Variants in GRIK3 observed in about 807,000 individuals in gnomAD.
The protein encoded by GRIK3 is glutamate receptor ionotropic, kainate 3.
GRIK3 carries 29 observed loss-of-function variants against 102.5 expected under a neutral mutation model. The ratio of observed to expected loss-of-function variants is 0.28; its 90% CI spans 0.21 to 0.39. The LOEUF (loss-of-function observed/expected upper bound fraction) is 0.39, where lower values mean the gene tolerates loss of function less well. Ranked by LOEUF, GRIK3 falls within the 10% of genes least tolerant of loss-of-function variation. The pLI is 1.00. For missense variants in GRIK3, 908 were observed against 1,252.4 expected (o/e 0.73, Z 4.15); for synonymous variants, 511 against 504.9 (o/e 1.01, Z -0.16).
chr1:36,852,357 G>A (rs949166223), intron 8 of GRIK3, among the ~76,000 whole-genome samples: 2 of 152,178 alleles, frequency 1.3e-5, no homozygotes, highest in Non-Finnish European at 2.9e-5. Context: ...AGGGACAGAG[G>A]TCACATCCTG....
intron 1 of GRIK3, among the ~76,000 whole-genome samples, chr1:36,986,465 CCCATCCATCCATCCATCCAT>C (rs774258723): frequency 1.3e-4 from 15 of 115,188 alleles, no homozygotes; most frequent in African/African-American, 4.2e-4. Context: ...CATCCATCAG[CCCATCCATCCATCCATCCAT>C]CCATCCATCC....
In GRIK3 at chr1:36,899,641, T is replaced by C. The variant is rs61325425; in HGVS notation, c.116-8545A>G. Among the ~76,000 whole-genome samples, 955 of 152,300 alleles carry C rather than the reference T, an allele frequency of 6.3e-3. 10 individuals carry two copies. Among genetic ancestry groups the C allele is most frequent in the African/African-American group, 0.022 (908 of 41,576 alleles). The stretch of plus-strand genomic sequence containing the variant: ...TGCACAACATTATGAATGTATTTAG[T>C]ACCACTGAACAGTACACTTAAAAAT... On this transcript the variant is annotated intron_variant, in intron 1 of 15. Transcript: ENST00000373091.
chr1:36,937,249 C>G (rs771409989), intron 1 of GRIK3, among the ~76,000 whole-genome samples: 10 of 152,152 alleles, frequency 6.6e-5, no homozygotes, highest in Non-Finnish European at 1.2e-4. Flanking sequence ...TGGGGAGACA[C>G]AGCATGGTGC....
chr1:36,883,864 C>T (rs1641010101), intron 2 of GRIK3, among the ~76,000 whole-genome samples: 1 of 152,196 alleles, frequency 6.6e-6, no homozygotes, highest in Non-Finnish European at 1.5e-5. Context: ...GACTCACATC[C>T]ACCACTCCCA....
chr1:36,957,461 CTA>C (rs1491081636), intron 1 of GRIK3, among the ~76,000 whole-genome samples: 9 of 122,774 alleles, frequency 7.3e-5, no homozygotes, highest in Non-Finnish European at 1.1e-4. Flanking sequence ...CCCTGTGAGC[CTA>C]TGTGCTCTGT....
intron 1 of GRIK3, among the ~76,000 whole-genome samples, chr1:36,913,708 C>G (rs974229421): frequency 6.6e-5 from 10 of 152,136 alleles, no homozygotes; most frequent in Non-Finnish European, 1.2e-4. Context: ...AGCCCCACCC[C>G]CAATCACAGC....
Position 36,859,892 on chromosome 1 carries a change from C to T in GRIK3, c.912G>A (p.Leu304=). ...CAGACTCGGACCGGGGAGCTGCCTGCAGCCGCTCCATGGACCACTTCTCCA... is the reference window on the plus strand; with the variant it reads ...CAGACTCGGACCGGGGAGCTGCCTGTAGCCGCTCCATGGACCACTTCTCCA... ...AIVEKWSMER[L]QAAPRSESGL... The change falls in exon 6 of 16, where the codon CTG becomes CTA. Residue 304 remains leucine, a synonymous_variant. Coordinates refer to ENST00000373091, the MANE Select transcript of GRIK3 (RefSeq NM_000831.4). 6.2e-7 allele frequency: 1 copy of T among 1,613,846 alleles called. No homozygotes were observed.
At chr1:36,968,348 A>G (rs923460281) in intron 1 of GRIK3, among the ~76,000 whole-genome samples, 7 of 150,416 alleles carry the variant, frequency 4.7e-5, no homozygotes, top group Admixed American at 1.3e-4. Flanking sequence ...CTCCCCCACC[A>G]TCACTACCAC....
At chr1:36,836,887 C>T (rs1262734148) in intron 10 of GRIK3, among the ~76,000 whole-genome samples, 1 of 152,126 alleles carries the variant, frequency 6.6e-6, no homozygotes, top group Admixed American at 6.5e-5. Flanking sequence ...AAGGACCCTG[C>T]TGGGGCTGAC....
Position 36,796,943 on chromosome 1 carries a change from T to C in GRIK3, c.*4908A>G, listed in dbSNP as rs1642371138. On this transcript the variant is annotated 3_prime_UTR_variant, in exon 16 of 16. Transcript: ENST00000373091. ...CAGGGGCTGAGTACTAGCATGACAT[T>C]GCTTCTCAGACACACCCAGCTGTCC... 1 of 152,126 alleles carries C rather than the reference T, an allele frequency of 6.6e-6. No homozygotes were observed. Among genetic ancestry groups the C allele is most frequent in the Admixed American group, 6.5e-5 (1 of 15,276 alleles). 9.4% of individuals were successfully genotyped at this position (152,126 alleles called of 1,614,324 possible). A position where few individuals can be genotyped will look rare whatever the true frequency, so the allele number is the denominator to read the frequency against.
intron 1 of GRIK3, among the ~76,000 whole-genome samples, chr1:36,983,127 G>C (rs1440595198): frequency 6.6e-6 from 1 of 152,090 alleles, no homozygotes; most frequent in Non-Finnish European, 1.5e-5. Flanking sequence ...CTACGCATGT[G>C]CACACCCGAG....
At chr1:36,917,232 C>T (rs1173706151) in intron 1 of GRIK3, among the ~76,000 whole-genome samples, 1 of 152,170 alleles carries the variant, frequency 6.6e-6, no homozygotes. Context: ...CTGTATTTAT[C>T]GAATGCCTGT....
At chr1:36,987,414 G>A (rs1400778810) in intron 1 of GRIK3, among the ~76,000 whole-genome samples, 1 of 152,206 alleles carries the variant, frequency 6.6e-6, no homozygotes, top group Admixed American at 6.5e-5. Context: ...GAAGAGAGGG[G>A]AGGTGAGGCA....
chr1:36,941,917 TC>T (rs1317300805), intron 1 of GRIK3, among the ~76,000 whole-genome samples: 4 of 151,908 alleles, frequency 2.6e-5, no homozygotes, highest in Non-Finnish European at 4.4e-5. Context: ...AGGTAGCCTA[TC>T]CCCCCCTCAC....
intron 9 of GRIK3, among the ~76,000 whole-genome samples, chr1:36,843,221 G>A (rs565021204): frequency 6.6e-6 from 1 of 152,262 alleles, no homozygotes; most frequent in East Asian, 1.9e-4. Context: ...CAGCAAGTCC[G>A]AATCCAGGTC....
intron 1 of GRIK3, among the ~76,000 whole-genome samples, chr1:36,994,489 A>G (rs1421083561): frequency 2.0e-5 from 3 of 152,240 alleles, no homozygotes; most frequent in Admixed American, 6.5e-5. Flanking sequence ...AATGGCATCA[A>G]TCTCATAGGG....
chr1:36,836,166 C>A (rs1384068808), intron 10 of GRIK3, among the ~76,000 whole-genome samples: 1 of 152,234 alleles, frequency 6.6e-6, no homozygotes, highest in African/African-American at 2.4e-5. Flanking sequence ...CCTGGCCACA[C>A]AAACAAGGGT....
intron 1 of GRIK3, among the ~76,000 whole-genome samples, chr1:36,989,008 C>G (rs754423915): frequency 6.6e-6 from 1 of 152,072 alleles, no homozygotes; most frequent in Non-Finnish European, 1.5e-5. Context: ...AAAACTGAAG[C>G]CCTACACACC....
intron 1 of GRIK3, among the ~76,000 whole-genome samples, chr1:36,987,060 T>G (rs1446000751): frequency 1.3e-5 from 2 of 152,200 alleles, no homozygotes; most frequent in African/African-American, 4.8e-5. Flanking sequence ...AGCACTCCTC[T>G]GCCCACTCAC....
Sources: allele counts gnomAD v4.1 joint callset (sites outside exome capture counted in the v4.1 genomes callset), GRCh38; gene constraint gnomAD v4.1.1; transcripts MANE v1.5; gene names NCBI Gene and HGNC (gene_info 2026-07-23, HGNC 2026-07-21).